Variants in TTC23 observed in about 807,000 individuals in gnomAD.
TTC23 encodes the protein tetratricopeptide repeat protein 23.
In TTC23, 58 loss-of-function variants were observed where a neutral mutation model predicts 55.1. That is an observed-to-expected ratio of 1.05 (90% CI 0.85 to 1.31). The LOEUF is 1.31. Among genes scored for constraint, TTC23 ranks in the 50% most tolerant of loss-of-function variants. The probability of loss-of-function intolerance (pLI) is 0.00; values close to 1 mark genes in which losing one functional copy is unlikely to be tolerated. For synonymous variants in TTC23, 203 were observed against 199.9 expected, an observed-to-expected ratio of 1.02 and a Z score of -0.13; for missense variants, 516 against 534.4, an observed-to-expected ratio of 0.97 and a Z score of 0.34.
intron 8 of TTC23, among the ~76,000 whole-genome samples, chr15:99,211,383 C>CAAA (rs1389824101): frequency 4.1e-5 from 6 of 147,268 alleles, no homozygotes; most frequent in African/African-American, 1.5e-4. Flanking sequence ...AAAAAACAAA[C>CAAA]AAACAAAAAA....
intron 9 of TTC23, among the ~76,000 whole-genome samples, chr15:99,186,152 A>G (rs1442776736): frequency 6.6e-6 from 1 of 152,262 alleles, no homozygotes; most frequent in Non-Finnish European, 1.5e-5. Context: ...TTAAGAAATA[A>G]AAGTAGCTTA....
Position 99,221,865 on chromosome 15 carries a change from C to G in TTC23, c.181-1G>C. ...CAAGCTCATGGACGGCCTGTTTGTA[C>G]TGTTAGGAAGAGAAAACAGGCTTAC... On this transcript the variant is annotated splice_acceptor_variant, in intron 5 of 13. Coordinates refer to ENST00000394132, the MANE Select transcript of TTC23 (RefSeq NM_001288615.3). LOFTEE classifies it high-confidence loss of function. The G allele has an allele frequency of 6.2e-7, 1 of 1,614,020 alleles. No individual in the cohort carries two copies. Among genetic ancestry groups the G allele is most frequent in the South Asian group, 1.1e-5 (1 of 91,048 alleles).
intron 11 of TTC23, 46 bp from the exon 12 acceptor site, chr15:99,156,343 G>T: frequency 6.2e-7 from 1 of 1,601,620 alleles, no homozygotes; most frequent in African/African-American, 1.3e-5. Context: ...CTCAAAGGCT[G>T]ATTAGGATCA....
chr15:99,175,218 C>T (rs2073408230), intron 9 of TTC23, 63 bp from the exon 10 acceptor site: 3 of 1,365,612 alleles, frequency 2.2e-6, no homozygotes, highest in Admixed American at 3.6e-5. Flanking sequence ...AGGGAATTAA[C>T]TGTCCTTGCA....
At chr15:99,199,891 C>T in intron 9 of TTC23, 28 bp downstream of exon 9, 1 of 1,591,898 alleles carries the variant, frequency 6.3e-7, no homozygotes, top group Non-Finnish European at 8.5e-7. Flanking sequence ...CCTAGAACAG[C>T]TTTGGTAGCC....
At chr15:99,139,248 C>T in intron 13 of TTC23, 69 bp downstream of exon 13, 1 of 1,574,756 alleles carries the variant, frequency 6.4e-7, no homozygotes, top group East Asian at 2.3e-5. Flanking sequence ...CCTTCTAGAA[C>T]CAGCTTTCTC....
intron 11 of TTC23, chr15:99,159,535 G>A (rs1208052515): frequency 6.6e-6 from 1 of 152,378 alleles, no homozygotes; most frequent in Non-Finnish European, 1.5e-5. Context: ...GCCTGGAGAT[G>A]AATGAGGAAG....
rs1464699232 is a variant in TTC23 at position 99,219,023 on chromosome 15, A to ATGTTGTTTTGCT, written c.318_329dup (p.Gln106_Gln109dup). The stretch of plus-strand genomic sequence containing the variant: ...CGAGGATTTGTCTGGCTTTTTCTGC[A>ATGTTGTTTTGCT]TGTTGTTTTGCTTGCAGTGACAGTC... On this transcript the variant is annotated inframe_insertion, in exon 7 of 14. Coordinates refer to ENST00000394132, the MANE Select transcript of TTC23 (RefSeq NM_001288615.3). 6.2e-7 allele frequency: 1 copy of ATGTTGTTTTGCT among 1,614,170 alleles called. No homozygotes were observed. Among genetic ancestry groups the ATGTTGTTTTGCT allele is most frequent in the African/African-American group, 1.3e-5 (1 of 75,064 alleles).
intron 8 of TTC23, among the ~76,000 whole-genome samples, 183 bp downstream of exon 8, chr15:99,218,405 A>G (rs1178297018): frequency 6.6e-6 from 1 of 152,176 alleles, no homozygotes; most frequent in Non-Finnish European, 1.5e-5. Flanking sequence ...GAAAAGTGTC[A>G]CTGATGGATG....
At chr15:99,237,577 A>G (rs1209219404) in intron 3 of TTC23, among the ~76,000 whole-genome samples, 1 of 152,194 alleles carries the variant, frequency 6.6e-6, no homozygotes, top group Admixed American at 6.5e-5. Flanking sequence ...ATAAATTTCA[A>G]TGAAATCTAC....
At chr15:99,196,579 C>T (rs79418549) in intron 9 of TTC23, among the ~76,000 whole-genome samples, 2,745 of 152,274 alleles carry the variant, frequency 0.018, 85 homozygotes, top group African/African-American at 0.062. Context: ...TGGAGATGTG[C>T]ACAACCCCCA....
Position 99,139,396 on chromosome 15 carries a change from G to C in TTC23, c.1147C>G (p.Leu383Val), listed in dbSNP as rs1567301792. 1 of 1,614,186 alleles carries C rather than the reference G, an allele frequency of 6.2e-7. No homozygotes were observed. Among genetic ancestry groups the C allele is most frequent in the African/African-American group, 1.3e-5 (1 of 75,064 alleles). The change falls in exon 13 of 14, where the codon CTC becomes GTC. Residue 383 changes from leucine (L) to valine (V), a missense_variant. Transcript: ENST00000394132. ...CCATATAAGAGGGTCTGGATCTGGAGACACTGTAGAACACCAAGCAGCTAT... is the reference window on the plus strand; with the variant it reads ...CCATATAAGAGGGTCTGGATCTGGACACACTGTAGAACACCAAGCAGCTAT... Reference protein sequence around the residue: ...SGARKKLKKCLQIQTLLYGPQ... With the variant: ...SGARKKLKKCVQIQTLLYGPQ...
chr15:99,145,788 G>C (rs1004882461), intron 12 of TTC23, among the ~76,000 whole-genome samples: 61 of 152,124 alleles, frequency 4.0e-4, no homozygotes, highest in African/African-American at 1.3e-3. Context: ...TGAGGCACTG[G>C]TGGGTGGGTA....
chr15:99,216,460 G>C (rs1263635766), intron 8 of TTC23, among the ~76,000 whole-genome samples: 1 of 151,596 alleles, frequency 6.6e-6, no homozygotes, highest in Non-Finnish European at 1.5e-5. Flanking sequence ...TTAATAAGCG[G>C]GCAATAGATG....
chr15:99,211,757 G>C (rs1343161049), intron 8 of TTC23, among the ~76,000 whole-genome samples: 1 of 152,134 alleles, frequency 6.6e-6, no homozygotes, highest in East Asian at 1.9e-4. Flanking sequence ...CAACAGGAGA[G>C]GAGAGTGAGG....
At chr15:99,225,326 C>T (rs959696889) in intron 5 of TTC23, among the ~76,000 whole-genome samples, 3 of 152,180 alleles carry the variant, frequency 2.0e-5, no homozygotes, top group African/African-American at 2.4e-5. Flanking sequence ...AGACAGAAGA[C>T]AAGCACGAAG....
At position 99,139,011 on chromosome 15, in the gene TTC23, A is replaced by G. The variant is rs369741801; in HGVS notation, c.1226+306T>C. ...AGAGGGAAGCCGGAAGCAGGGCTGCAGGAGGCCACAGGGATTCCCGGGGCC... is the reference window on the plus strand; with the variant it reads ...AGAGGGAAGCCGGAAGCAGGGCTGCGGGAGGCCACAGGGATTCCCGGGGCC... On this transcript the variant is annotated intron_variant, in intron 13 of 13. Transcript: ENST00000394132. 4.4e-4 allele frequency: 190 copies of G among 433,158 alleles called. 2 individuals carry two copies. Among genetic ancestry groups the G allele is most frequent in the South Asian group, 3.8e-3 (187 of 48,752 alleles). 26.8% of individuals were successfully genotyped at this position (433,158 alleles called of 1,614,324 possible).
intron 6 of TTC23, among the ~76,000 whole-genome samples, chr15:99,220,301 T>G (rs1476390502): frequency 6.6e-6 from 1 of 152,352 alleles, no homozygotes; most frequent in Middle Eastern, 3.4e-3. Flanking sequence ...ACAACATGCC[T>G]GGCACCAAAT....
intron 5 of TTC23, among the ~76,000 whole-genome samples, chr15:99,222,515 C>G (rs1365242380): frequency 3.3e-5 from 5 of 152,166 alleles, no homozygotes; most frequent in African/African-American, 1.2e-4. Flanking sequence ...GTTTAGCTCT[C>G]AATTCAAAAC....
Sources: allele counts gnomAD v4.1 joint callset (sites outside exome capture counted in the v4.1 genomes callset), GRCh38; gene constraint gnomAD v4.1.1; transcripts MANE v1.5; gene names NCBI Gene and HGNC (gene_info 2026-07-23, HGNC 2026-07-21).